The following KCNT2 variants were observed in gnomAD, a reference collection of about 807,000 sequenced individuals.
KCNT2 encodes potassium sodium-activated channel subfamily T member 2.
In KCNT2, 67 loss-of-function variants were observed where a neutral mutation model predicts 153.8. The ratio of observed to expected loss-of-function variants is 0.44; its 90% CI spans 0.36 to 0.53. KCNT2 has a LOEUF of 0.53. Ranked by LOEUF, KCNT2 falls within the 20% of genes least tolerant of loss-of-function variation. The probability of loss-of-function intolerance (pLI) is 0.00; values close to 1 mark genes in which losing one functional copy is unlikely to be tolerated. For synonymous variants in KCNT2, 500 were observed against 458.8 expected (o/e 1.09, Z -1.15); for missense variants, 975 against 1,354.8 (o/e 0.72, Z 4.40).
chr1:196,356,533 C>T (rs1250187853), intron 14 of KCNT2, among the ~76,000 whole-genome samples: 2 of 151,728 alleles, frequency 1.3e-5, no homozygotes, highest in Non-Finnish European at 3.0e-5. Flanking sequence ...ACAACACATG[C>T]TTCCAAATCC....
At chr1:196,536,889 C>T (rs1460163215) in intron 1 of KCNT2, among the ~76,000 whole-genome samples, 1 of 152,206 alleles carries the variant, frequency 6.6e-6, no homozygotes, top group Non-Finnish European at 1.5e-5. Flanking sequence ...GTAGCCCATC[C>T]TGCCACACTC....
At chr1:196,569,838 A>G (rs919196472) in intron 1 of KCNT2, among the ~76,000 whole-genome samples, 13 of 152,174 alleles carry the variant, frequency 8.5e-5, no homozygotes, top group Admixed American at 2.6e-4. Flanking sequence ...GAAAGCTAAA[A>G]GACTAAGATT....
chr1:196,468,870 T>C (rs964178279), intron 6 of KCNT2, 124 bp downstream of exon 6: 18 of 651,252 alleles, frequency 2.8e-5, no homozygotes, highest in Non-Finnish European at 4.3e-5. Context: ...CTTAGTATCA[T>C]GATTCTAACC....
intron 13 of KCNT2, among the ~76,000 whole-genome samples, chr1:196,391,847 A>T (rs1670523553): frequency 6.6e-6 from 1 of 151,374 alleles, no homozygotes; most frequent in South Asian, 2.1e-4. Flanking sequence ...GCTTTTCCAT[A>T]AATCTAAAAC....
intron 22 of KCNT2, among the ~76,000 whole-genome samples, chr1:196,293,689 G>T (rs939121872): frequency 1.3e-5 from 2 of 151,936 alleles, no homozygotes; most frequent in South Asian, 4.2e-4. Context: ...TCAACTCAAA[G>T]ACTTAAATGT....
chr1:196,320,364 T>C (rs1224813393), intron 19 of KCNT2, among the ~76,000 whole-genome samples: 1 of 151,824 alleles, frequency 6.6e-6, no homozygotes, highest in Non-Finnish European at 1.5e-5. Context: ...CAAAAGAATA[T>C]CCTGTTAACT....
intron 26 of KCNT2, among the ~76,000 whole-genome samples, chr1:196,250,741 AC>A (rs1655889701): frequency 6.6e-6 from 1 of 152,166 alleles, no homozygotes; most frequent in Non-Finnish European, 1.5e-5. Context: ...GTGATTAATA[AC>A]CAGAATGTGT....
At chr1:196,510,344 C>G (rs1003639363) in intron 1 of KCNT2, among the ~76,000 whole-genome samples, 2 of 152,106 alleles carry the variant, frequency 1.3e-5, no homozygotes, top group African/African-American at 2.4e-5. Flanking sequence ...GATTAGGGGA[C>G]TGAGGCATTT....
chr1:196,592,865 AT>A (rs1332376994), intron 1 of KCNT2, among the ~76,000 whole-genome samples: 1 of 149,516 alleles, frequency 6.7e-6, no homozygotes, highest in Non-Finnish European at 1.5e-5. Context: ...ATAAAAAATA[AT>A]TTCTATTAAA....
At chr1:196,404,378 A>G (rs1202369598) in intron 12 of KCNT2, among the ~76,000 whole-genome samples, 4 of 151,680 alleles carry the variant, frequency 2.6e-5, no homozygotes, top group Non-Finnish European at 5.9e-5. Flanking sequence ...GTGGCTACTT[A>G]AAATCCTACA....
chr1:196,432,672 C>G (rs1359464279), intron 8 of KCNT2, among the ~76,000 whole-genome samples: 2 of 152,064 alleles, frequency 1.3e-5, no homozygotes, highest in Non-Finnish European at 2.9e-5. Flanking sequence ...GCCTGTCTCA[C>G]CATTGTATTT....
intron 1 of KCNT2, among the ~76,000 whole-genome samples, chr1:196,502,189 A>G (rs556172004): frequency 3.7e-4 from 57 of 152,142 alleles, no homozygotes; most frequent in Admixed American, 2.2e-3. Context: ...TCCAACCTCT[A>G]CTCTATGTAC....
At chr1:196,260,241 C>T (rs1465058739) in intron 25 of KCNT2, among the ~76,000 whole-genome samples, 1 of 151,760 alleles carries the variant, frequency 6.6e-6, no homozygotes, top group Non-Finnish European at 1.5e-5. Context: ...ATTAAAGATA[C>T]TATGTTCATC....
intron 21 of KCNT2, among the ~76,000 whole-genome samples, chr1:196,308,159 C>CT (rs144106834): frequency 2.0e-5 from 3 of 151,832 alleles, no homozygotes. Context: ...GTCTTTTCCT[C>CT]TTTTTTTTCT....
intron 14 of KCNT2, among the ~76,000 whole-genome samples, chr1:196,360,876 C>T (rs534306769): frequency 1.4e-4 from 22 of 151,876 alleles, no homozygotes; most frequent in African/African-American, 4.3e-4. Flanking sequence ...ATACTATGGC[C>T]GCAAAGATCC....
intron 12 of KCNT2, among the ~76,000 whole-genome samples, chr1:196,419,586 T>C (rs139984966): frequency 0.057 from 8,698 of 151,736 alleles, 382 homozygotes; most frequent in Non-Finnish European, 0.085. Context: ...TCTATCATTG[T>C]TGGACATTTG....
At chr1:196,483,528 C>G (rs1231961924) in intron 3 of KCNT2, among the ~76,000 whole-genome samples, 4 of 152,182 alleles carry the variant, frequency 2.6e-5, no homozygotes, top group Non-Finnish European at 5.9e-5. Flanking sequence ...AAGTTCAAAA[C>G]AGTTGACATG....
chr1:196,390,908 T>A (rs946752), intron 13 of KCNT2, among the ~76,000 whole-genome samples: 4,415 of 142,862 alleles, frequency 0.031, 105 homozygotes, highest in South Asian at 0.058. Flanking sequence ...TTTTTTTTTT[T>A]AAAAAAAAAC....
chr1:196,435,589 A>G (rs1674585093), intron 8 of KCNT2, among the ~76,000 whole-genome samples: 1 of 151,760 alleles, frequency 6.6e-6, no homozygotes, highest in Non-Finnish European at 1.5e-5. Flanking sequence ...AAAAGTTTTT[A>G]TGATTAACTT....
Sources: allele counts gnomAD v4.1 joint callset (sites outside exome capture counted in the v4.1 genomes callset), GRCh38; gene constraint gnomAD v4.1.1; transcripts MANE v1.5; gene names NCBI Gene and HGNC (gene_info 2026-07-23, HGNC 2026-07-21).